The following COL4A6 variants were observed in gnomAD, a reference collection of about 807,000 sequenced individuals.
The protein encoded by COL4A6 is collagen type IV alpha 6 chain, also known as collagen alpha-6(IV) chain.
Under a neutral mutation model 126.7 loss-of-function variants are expected in COL4A6, and 59 were observed. That is an observed-to-expected ratio of 0.47 (90% CI 0.38 to 0.58). The LOEUF (loss-of-function observed/expected upper bound fraction) is 0.58, where lower values mean the gene tolerates loss of function less well. COL4A6 is among the 20% of genes least tolerant of loss of function. The pLI is 0.00. For missense variants in COL4A6, 1,285 were observed against 1,337.3 expected, an observed-to-expected ratio of 0.96 and a Z score of 0.61; for synonymous variants, 547 against 496.6, an observed-to-expected ratio of 1.10 and a Z score of -1.35.
intron 3 of COL4A6, among the ~76,000 whole-genome samples, chrX:108,273,492 A>G (rs1402071285): frequency 8.9e-6 from 1 of 111,941 alleles, no homozygotes; most frequent in Non-Finnish European, 1.9e-5. Flanking sequence ...TATATACCCA[A>G]AGGATTATAA....
intron 3 of COL4A6, among the ~76,000 whole-genome samples, chrX:108,294,562 T>A (rs2038267135): frequency 9.1e-6 from 1 of 110,267 alleles, no homozygotes; most frequent in East Asian, 2.8e-4. Context: ...TTCCCTTTGG[T>A]GTTCCTATGA....
intron 3 of COL4A6, among the ~76,000 whole-genome samples, chrX:108,288,428 T>A (rs1425421484): frequency 8.1e-5 from 9 of 111,439 alleles, no homozygotes; most frequent in Admixed American, 7.6e-4. Context: ...GTAATTCCAA[T>A]TGGACAGAAA....
chrX:108,391,592 A>T (rs1257822111), intron 2 of COL4A6, among the ~76,000 whole-genome samples: 5 of 112,173 alleles, frequency 4.5e-5, no homozygotes, highest in Non-Finnish European at 7.5e-5. Context: ...ATTTCAAGCC[A>T]GTGGATCTTA....
At chrX:108,180,008 C>T (rs1306778575) in intron 25 of COL4A6, among the ~76,000 whole-genome samples, 1 of 110,569 alleles carries the variant, frequency 9.0e-6, no homozygotes, top group African/African-American at 3.3e-5. Flanking sequence ...GATGCTGATG[C>T]TGGCCCATGG....
At chrX:108,434,009 T>C (rs1245562036) in intron 2 of COL4A6, among the ~76,000 whole-genome samples, 1 of 111,567 alleles carries the variant, frequency 9.0e-6, no homozygotes, top group Non-Finnish European at 1.9e-5. Context: ...GGTCAATCAG[T>C]TTTTTCTATT....
chrX:108,373,728 G>C (rs1393714688), intron 2 of COL4A6, among the ~76,000 whole-genome samples: 1 of 111,752 alleles, frequency 8.9e-6, no homozygotes, highest in East Asian at 2.8e-4. Flanking sequence ...AGTCAAGCCT[G>C]TCACCTTAAG....
intron 2 of COL4A6, among the ~76,000 whole-genome samples, chrX:108,343,484 C>G (rs1475951265): frequency 9.1e-6 from 1 of 110,023 alleles, no homozygotes; most frequent in African/African-American, 3.3e-5. Context: ...AAAAGCATAA[C>G]AAAATAAACA....
intron 3 of COL4A6, among the ~76,000 whole-genome samples, chrX:108,301,434 G>A (rs1208319841): frequency 8.9e-6 from 1 of 111,919 alleles, no homozygotes; most frequent in Non-Finnish European, 1.9e-5. Flanking sequence ...CTACTCACTA[G>A]GGTGGAGGAC....
At position 108,230,451 on chromosome X, in the gene COL4A6, C is replaced by A. The variant is rs2036273789; in HGVS notation, c.145-9077G>T. 1.1e-4 allele frequency among the ~76,000 whole-genome samples: 12 copies of A among 111,518 alleles called. No homozygotes were observed. In the Admixed American group the frequency reaches 1.1e-3, roughly 11 times the overall value. ...AAGGGGGAGCAGAGATCCTTGACCTCCAGCCTAGAAACAAGGTGGCTTGAT... is the reference window on the plus strand; with the variant it reads ...AAGGGGGAGCAGAGATCCTTGACCTACAGCCTAGAAACAAGGTGGCTTGAT... On this transcript the variant is annotated intron_variant, in intron 3 of 44. Coordinates refer to ENST00000334504, the MANE Select transcript of COL4A6 (RefSeq NM_033641.4).
At chrX:108,265,861 G>T (rs1440984164) in intron 3 of COL4A6, among the ~76,000 whole-genome samples, 1 of 111,087 alleles carries the variant, frequency 9.0e-6, no homozygotes, top group Non-Finnish European at 1.9e-5. Flanking sequence ...CCTGAAGGAA[G>T]TGGGAAACCA....
chrX:108,317,789 C>G (rs2080882990), intron 2 of COL4A6, among the ~76,000 whole-genome samples: 2 of 111,874 alleles, frequency 1.8e-5, no homozygotes, highest in Admixed American at 1.9e-4. Flanking sequence ...TGATCTATAT[C>G]TCTGTTTTGG....
intron 30 of COL4A6, 105 bp downstream of exon 30, chrX:108,174,985 T>C: frequency 1.0e-6 from 1 of 997,460 alleles, no homozygotes; most frequent in Non-Finnish European, 1.3e-6. Flanking sequence ...GCTCTGAGGT[T>C]GGCGATGGGG....
intron 3 of COL4A6, among the ~76,000 whole-genome samples, chrX:108,290,165 A>G (rs2038123573): frequency 8.9e-6 from 1 of 112,226 alleles, no homozygotes; most frequent in Non-Finnish European, 1.9e-5. Flanking sequence ...GGTGGCCTCT[A>G]TTTAGTCCAA....
At chrX:108,432,058 G>T (rs1248924347) in intron 2 of COL4A6, among the ~76,000 whole-genome samples, 1 of 112,541 alleles carries the variant, frequency 8.9e-6, no homozygotes, top group Non-Finnish European at 1.9e-5. Context: ...TGCATATACG[G>T]TGGTCACCTA....
At chrX:108,302,336 C>A (rs1481680724) in intron 3 of COL4A6, among the ~76,000 whole-genome samples, 3 of 111,430 alleles carry the variant, frequency 2.7e-5, no homozygotes, top group Admixed American at 9.5e-5. Flanking sequence ...ATACTTAGGG[C>A]AAGATCTTTC....
At chrX:108,206,654 C>T (rs748852581) in intron 8 of COL4A6, 74 bp from the exon 9 acceptor site, 15 of 860,409 alleles carry the variant, frequency 1.7e-5, no homozygotes, top group South Asian at 6.2e-5. Flanking sequence ...TGTATGTCCA[C>T]GAGAACTGTA....
intron 2 of COL4A6, among the ~76,000 whole-genome samples, chrX:108,406,482 C>A (rs745502184): frequency 1.8e-5 from 2 of 112,354 alleles, no homozygotes; most frequent in South Asian, 7.4e-4. Flanking sequence ...TATCCAAGGT[C>A]CTCCTTGATC....
intron 2 of COL4A6, among the ~76,000 whole-genome samples, chrX:108,371,629 T>C (rs1188701782): frequency 9.5e-6 from 1 of 104,733 alleles, no homozygotes; most frequent in Non-Finnish European, 1.9e-5. Flanking sequence ...TGGTTGTGCA[T>C]GCCTGTAGTT....
intron 3 of COL4A6, among the ~76,000 whole-genome samples, chrX:108,236,625 T>TC (rs1395797493): frequency 9.0e-6 from 1 of 111,429 alleles, no homozygotes; most frequent in Non-Finnish European, 1.9e-5. Flanking sequence ...ACTCCCTTAC[T>TC]CCCGTTCCCT....
Sources: gnomAD v4.1 joint callset for allele counts (sites outside exome capture counted in the v4.1 genomes callset) on GRCh38, gnomAD v4.1.1 for gene constraint, MANE v1.5 for transcripts, NCBI Gene and HGNC (gene_info 2026-07-23, HGNC 2026-07-21) for gene names.